Variants in MGAT4C observed in about 807,000 individuals in gnomAD.
The protein encoded by MGAT4C is alpha-1,3-mannosyl-glycoprotein 4-beta-N-acetylglucosaminyltransferase C.
MGAT4C carries 19 observed loss-of-function variants against 40.1 expected under a neutral mutation model. The ratio of observed to expected loss-of-function variants is 0.47; its 90% CI spans 0.33 to 0.70. The LOEUF is 0.70. Among genes scored for constraint, MGAT4C ranks in the 30% least tolerant of loss-of-function variants. MGAT4C has a pLI of 0.02. For missense variants in MGAT4C, 491 were observed against 563.2 expected (o/e 0.87, Z 1.30); for synonymous variants, 181 against 187.1 (o/e 0.97, Z 0.27).
At chr12:86,572,871 C>T (rs550244720) in intron 2 of MGAT4C, among the ~76,000 whole-genome samples, 1 of 152,120 alleles carries the variant, frequency 6.6e-6, no homozygotes, top group East Asian at 1.9e-4. Flanking sequence ...CTCTTTTCTT[C>T]CCTTCCTTCC....
chr12:86,506,862 A>G (rs557473807), intron 2 of MGAT4C, among the ~76,000 whole-genome samples: 70 of 152,320 alleles, frequency 4.6e-4, no homozygotes, highest in African/African-American at 1.5e-3. Context: ...AAGAAGGGGT[A>G]AGGCTAAGGA....
intron 2 of MGAT4C, among the ~76,000 whole-genome samples, chr12:86,451,128 T>C (rs1957419677): frequency 6.6e-6 from 1 of 152,080 alleles, no homozygotes; most frequent in Non-Finnish European, 1.5e-5. Flanking sequence ...GATCATGGGG[T>C]GGATTTCTCA....
chr12:86,643,647 A>G (rs1403079535), intron 2 of MGAT4C, among the ~76,000 whole-genome samples: 1 of 151,900 alleles, frequency 6.6e-6, no homozygotes, highest in Non-Finnish European at 1.5e-5. Context: ...AGACAAATTC[A>G]TAGAAACAGA....
At chr12:86,779,013 A>T (rs7967852) in intron 1 of MGAT4C, among the ~76,000 whole-genome samples, 64 of 55,774 alleles carry the variant, frequency 1.1e-3, no homozygotes, top group East Asian at 2.7e-3. Context: ...AATTTCACTA[A>T]AAAAAAAAAA....
chr12:86,242,660 A>G (rs1439123125), intron 1 of MGAT4C, among the ~76,000 whole-genome samples: 2 of 152,116 alleles, frequency 1.3e-5, no homozygotes, highest in African/African-American at 2.4e-5. Flanking sequence ...AGGGTCTTTA[A>G]AGGCAAATAG....
At chr12:86,184,771 G>T (rs1193442306) in intron 1 of MGAT4C, among the ~76,000 whole-genome samples, 2 of 146,984 alleles carry the variant, frequency 1.4e-5, no homozygotes, top group African/African-American at 5.0e-5. Flanking sequence ...AAAACTATGG[G>T]AGGACATTGT....
At chr12:86,046,504 T>A (rs990756020) in intron 2 of MGAT4C, among the ~76,000 whole-genome samples, 3 of 152,052 alleles carry the variant, frequency 2.0e-5, no homozygotes, top group Non-Finnish European at 4.4e-5. Context: ...GACAACCCAA[T>A]AGCTGACTAG....
rs1287418602 is a variant in MGAT4C at position 85,978,705 on chromosome 12, G to A, written c.*584C>T. 6.6e-6 allele frequency: 1 copy of A among 151,750 alleles called. No homozygotes were observed. Among genetic ancestry groups the A allele is most frequent in the East Asian group, 1.9e-4 (1 of 5,166 alleles). The allele number at this position is 151,750 out of a possible 1,614,324, so 9.4% of individuals were successfully genotyped here. ...TCCCCTTTCATATAAATAATCAGGG[G>A]AGAGATATTTTTAAGTCTTTTTTTT... On this transcript the variant is annotated 3_prime_UTR_variant, in exon 5 of 5. Transcript: ENST00000611864.
At chr12:86,550,937 G>T (rs1959325650) in intron 2 of MGAT4C, among the ~76,000 whole-genome samples, 1 of 152,182 alleles carries the variant, frequency 6.6e-6, no homozygotes, top group South Asian at 2.1e-4. Context: ...GGCCCAATGT[G>T]GGTGCCTATA....
intron 2 of MGAT4C, among the ~76,000 whole-genome samples, chr12:86,718,746 C>T (rs1362336389): frequency 1.3e-5 from 2 of 152,084 alleles, no homozygotes; most frequent in Non-Finnish European, 2.9e-5. Flanking sequence ...GAACCAGAAC[C>T]CTATTGTGAA....
At position 85,967,028 on chromosome 12, in the gene MGAT4C, TA is replaced by T. The variant is rs1382098815; in HGVS notation, c.*12260del. On this transcript the variant is annotated 3_prime_UTR_variant, in exon 5 of 5. Coordinates refer to ENST00000611864, the MANE Select transcript of MGAT4C (RefSeq NM_001351288.2). The stretch of plus-strand genomic sequence containing the variant: ...ACCTGCAAGTTGTGCACATGTACCC[TA>T]AAACTTAAAGTATAATAATAAAAAA... The T allele has an allele frequency of 5.3e-5, 8 of 152,164 alleles. No homozygotes were observed. Among genetic ancestry groups the T allele is most frequent in the Non-Finnish European group, 1.2e-4 (8 of 68,028 alleles). The allele number at this position is 152,164 out of a possible 1,614,324, so 9.4% of individuals were successfully genotyped here.
At chr12:86,563,871 T>C (rs534014932) in intron 2 of MGAT4C, among the ~76,000 whole-genome samples, 5 of 152,262 alleles carry the variant, frequency 3.3e-5, no homozygotes, top group African/African-American at 1.2e-4. Flanking sequence ...CCTGTGGTCA[T>C]TTCCCCAGTG....
At chr12:86,831,333 G>A (rs144834091) in intron 1 of MGAT4C, among the ~76,000 whole-genome samples, 2 of 151,704 alleles carry the variant, frequency 1.3e-5, no homozygotes, top group East Asian at 1.9e-4. Flanking sequence ...AGAGAGCTAC[G>A]AGATGAACCA....
At position 86,627,738 on chromosome 12, in the gene MGAT4C, G is replaced by A. The variant is rs1348380609; in HGVS notation, c.-229+99471C>T. The stretch of plus-strand genomic sequence containing the variant: ...CATTCACACCAAAACCCCATCTGTA[G>A]GTCATGATCATCAAAGACCAAAGGT... On this transcript the variant is annotated intron_variant, in intron 2 of 7. Transcript: ENST00000548651. Among the ~76,000 whole-genome samples the A allele has an allele frequency of 4.6e-5, 7 of 152,118 alleles. No individual in the cohort carries two copies. In the East Asian group the frequency reaches 9.6e-4, roughly 21 times the overall value.
chr12:86,197,425 A>T (rs1196403568), intron 1 of MGAT4C, among the ~76,000 whole-genome samples: 1 of 152,154 alleles, frequency 6.6e-6, no homozygotes, highest in Non-Finnish European at 1.5e-5. Context: ...ATTAGATGGG[A>T]TCTTTGGGAG....
intron 1 of MGAT4C, among the ~76,000 whole-genome samples, chr12:86,104,257 A>G (rs1875699269): frequency 1.0e-5 from 1 of 98,080 alleles, no homozygotes; most frequent in Admixed American, 1.1e-4. Context: ...CTCCGTCTCT[A>G]CTTAAAAAAA....
At chr12:86,347,572 T>C (rs1955068368) in intron 3 of MGAT4C, among the ~76,000 whole-genome samples, 1 of 152,176 alleles carries the variant, frequency 6.6e-6, no homozygotes, top group Admixed American at 6.6e-5. Context: ...CTAGGAACTT[T>C]ACCTGCCAAT....
intron 2 of MGAT4C, among the ~76,000 whole-genome samples, chr12:86,696,786 T>C (rs1236797037): frequency 1.3e-5 from 2 of 152,184 alleles, no homozygotes; most frequent in Non-Finnish European, 2.9e-5. Context: ...AGCATCATTC[T>C]CATGAGTTTT....
chr12:86,261,860 A>T (rs966966299), intron 4 of MGAT4C, among the ~76,000 whole-genome samples: 1 of 152,008 alleles, frequency 6.6e-6, no homozygotes, highest in African/African-American at 2.4e-5. Flanking sequence ...CTCCCCCACC[A>T]CATTCATGCC....
Sources: allele counts gnomAD v4.1 joint callset (sites outside exome capture counted in the v4.1 genomes callset), GRCh38; gene constraint gnomAD v4.1.1; transcripts MANE v1.5; gene names NCBI Gene and HGNC (gene_info 2026-07-23, HGNC 2026-07-21).